The following STX5 variants were observed in gnomAD, a reference collection of about 807,000 sequenced individuals.
STX5 encodes the protein syntaxin-5.
STX5 carries 15 observed loss-of-function variants against 42.9 expected under a neutral mutation model. That is an observed-to-expected ratio of 0.35 (90% CI 0.23 to 0.54). The LOEUF (loss-of-function observed/expected upper bound fraction) is 0.54. Ranked by LOEUF, STX5 falls within the 20% of genes least tolerant of loss-of-function variation. The pLI is 0.91. For synonymous variants in STX5, 184 were observed against 173.2 expected, an observed-to-expected ratio of 1.06 and a Z score of -0.49; for missense variants, 430 against 455.0, an observed-to-expected ratio of 0.95 and a Z score of 0.50.
At chr11:62,819,017 AG>A (rs2084707616) in intron 10 of STX5, among the ~76,000 whole-genome samples, 1 of 151,628 alleles carries the variant, frequency 6.6e-6, no homozygotes, top group Non-Finnish European at 1.5e-5. Context: ...CAGGAGATCG[AG>A]ACCATCCTGG....
Position 62,806,864 on chromosome 11 carries a change from G to A in STX5, c.*605C>T, listed in dbSNP as rs2134794213. The A allele has an allele frequency of 6.5e-6, 1 of 152,954 alleles. No individual in the cohort carries two copies. The highest frequency in any genetic ancestry group is 1.9e-4 in the East Asian group (1 of 5,184). The allele number at this position is 152,954 out of a possible 1,614,324, so 9.5% of individuals were successfully genotyped here. A position where few individuals can be genotyped will look rare whatever the true frequency, so the allele number is the denominator to read the frequency against. Reference sequence around the variant, plus strand: ...TCTCCACTCGCTGCCTAGGCCCTTCGACGCTCCCACCCAGAAATGATGACA... The same window carrying A: ...TCTCCACTCGCTGCCTAGGCCCTTCAACGCTCCCACCCAGAAATGATGACA... On this transcript the variant is annotated 3_prime_UTR_variant, in exon 11 of 11. Coordinates refer to ENST00000294179, the MANE Select transcript of STX5 (RefSeq NM_003164.5).
intron 2 of STX5, among the ~76,000 whole-genome samples, chr11:62,830,077 A>C: frequency 6.7e-6 from 1 of 149,862 alleles, no homozygotes; most frequent in Non-Finnish European, 1.5e-5. Context: ...AAAAAAAAAA[A>C]AAAAAAAAAG....
chr11:62,810,885 A>G (rs1044265364), intron 10 of STX5, among the ~76,000 whole-genome samples: 1 of 152,220 alleles, frequency 6.6e-6, no homozygotes, highest in African/African-American at 2.4e-5. Flanking sequence ...ATGCTCCAAC[A>G]TACTGTAAAA....
intron 10 of STX5, 131 bp from the exon 11 acceptor site, chr11:62,807,759 A>C: frequency 6.9e-7 from 1 of 1,445,758 alleles, no homozygotes; most frequent in Non-Finnish European, 9.2e-7. Context: ...GTGTATAGAA[A>C]AGGCTTTGGA....
intron 7 of STX5, 70 bp downstream of exon 7, chr11:62,825,213 G>C (rs1290612848): frequency 1.2e-6 from 2 of 1,611,408 alleles, no homozygotes; most frequent in Non-Finnish European, 1.7e-6. Context: ...TGTAGAACTT[G>C]TCCCTTCTTC....
chr11:62,824,067 T>C, intron 10 of STX5, 99 bp downstream of exon 10: 1 of 1,569,760 alleles, frequency 6.4e-7, no homozygotes, highest in South Asian at 1.2e-5. Context: ...GAATTCACTC[T>C]ATCTTCCAAA....
Position 62,831,979 on chromosome 11 carries a change from G to A in STX5, c.-45C>T, listed in dbSNP as rs2084876390. 6.5e-6 allele frequency: 3 copies of A among 462,726 alleles called. No homozygotes were observed. Among genetic ancestry groups the A allele is most frequent in the South Asian group, 4.6e-5 (3 of 64,612 alleles). 28.7% of individuals were successfully genotyped at this position (462,726 alleles called of 1,614,324 possible). On this transcript the variant is annotated 5_prime_UTR_variant, in exon 1 of 11. Coordinates refer to ENST00000294179, the MANE Select transcript of STX5 (RefSeq NM_003164.5). ...CTCCCCTCTGCCGCCTGCCGCCGCCGCCACTTCCAATCTCACCGGCCGTCA... is the reference window on the plus strand; with the variant it reads ...CTCCCCTCTGCCGCCTGCCGCCGCCACCACTTCCAATCTCACCGGCCGTCA...
chr11:62,825,504 G>T lies in STX5; in HGVS notation c.459C>A (p.Leu153=), dbSNP rs771758061. ...INSLNKQIAQ[L]QDFVRAKGSQ... ...TGCCCTTGGCTCTCACGAAATCCTGGAGCTGAGCAATTTGTTTGTTGAGGC... is the reference window on the plus strand; with the variant it reads ...TGCCCTTGGCTCTCACGAAATCCTGTAGCTGAGCAATTTGTTTGTTGAGGC... The change falls in exon 6 of 11, where the codon CTC becomes CTA. Residue 153 remains leucine, a synonymous_variant. Transcript: ENST00000294179. 1.3e-5 allele frequency: 21 copies of T among 1,613,892 alleles called. No individual in the cohort carries two copies. Among genetic ancestry groups the T allele is most frequent in the Non-Finnish European group, 1.8e-5 (21 of 1,180,046 alleles).
chr11:62,808,433 G>GAAA (rs57347651), intron 10 of STX5, among the ~76,000 whole-genome samples: 1 of 121,440 alleles, frequency 8.2e-6, no homozygotes, highest in African/African-American at 2.9e-5. Context: ...GCCTCAGGGG[G>GAAA]AAAAAAAAAA....
intron 10 of STX5, among the ~76,000 whole-genome samples, chr11:62,811,503 C>G (rs1020730725): frequency 3.3e-5 from 5 of 152,164 alleles, no homozygotes; most frequent in Non-Finnish European, 5.9e-5. Context: ...CTACCAAGTT[C>G]TTTCTCATTT....
At position 62,831,971 on chromosome 11, in the gene STX5, C is replaced by T. The variant is rs1277750818; in HGVS notation, c.-37G>A. On this transcript the variant is annotated 5_prime_UTR_variant, in exon 1 of 11. Transcript: ENST00000294179. ...AATCTTACCTCCCCTCTGCCGCCTG[C>T]CGCCGCCGCCACTTCCAATCTCACC... is the stretch of plus-strand genomic sequence containing the variant. The T allele has an allele frequency of 2.8e-5, 13 of 462,306 alleles. No individual in the cohort carries two copies. Among genetic ancestry groups the T allele is most frequent in the Non-Finnish European group, 5.6e-5 (13 of 231,440 alleles). The allele number at this position is 462,306 out of a possible 1,614,324, so 28.6% of individuals were successfully genotyped here. A position where few individuals can be genotyped will look rare whatever the true frequency, so the allele number is the denominator to read the frequency against.
chr11:62,828,697 G>A (rs1054420050), intron 2 of STX5, among the ~76,000 whole-genome samples: 4 of 152,040 alleles, frequency 2.6e-5, no homozygotes, highest in Non-Finnish European at 5.9e-5. Context: ...CTGCACTCCA[G>A]CCTGGGTGAC....
chr11:62,820,520 CTTTTT>C (rs374794905), intron 10 of STX5, among the ~76,000 whole-genome samples: 1 of 140,684 alleles, frequency 7.1e-6, no homozygotes, highest in African/African-American at 2.6e-5. Context: ...TTTTCTTTTT[CTTTTT>C]TTTTTTTTTG....
chr11:62,818,018 CG>C (rs1254252553), intron 10 of STX5, among the ~76,000 whole-genome samples: 1 of 151,724 alleles, frequency 6.6e-6, no homozygotes, highest in Non-Finnish European at 1.5e-5. Context: ...ACGTGGTGGG[CG>C]GATCACCTGA....
intron 1 of STX5, among the ~76,000 whole-genome samples, chr11:62,831,637 T>G (rs1051605891): frequency 6.6e-6 from 1 of 152,208 alleles, no homozygotes; most frequent in Non-Finnish European, 1.5e-5. Context: ...GGAGGGCCAG[T>G]GACGGACCTC....
chr11:62,831,250 G>A lies in STX5; in HGVS notation c.-7C>T, dbSNP rs549489537. 21 of 1,555,384 alleles carry A rather than the reference G, an allele frequency of 1.4e-5. No homozygotes were observed. The highest frequency in any genetic ancestry group is 1.2e-4 in the East Asian group (5 of 42,242). On this transcript the variant is annotated 5_prime_UTR_variant, in exon 2 of 11. Coordinates refer to ENST00000294179, the MANE Select transcript of STX5 (RefSeq NM_003164.5). ...AGCGTTTCCGCGGGATCATTGAGAC[G>A]CATAACCTCGGACTGTTGTGGAGGG...
At chr11:62,807,732 C>A in intron 10 of STX5, 104 bp from the exon 11 acceptor site, 1 of 1,519,696 alleles carries the variant, frequency 6.6e-7, no homozygotes, top group African/African-American at 1.4e-5. Context: ...AATATGATCC[C>A]ATTCTTATAT....
At chr11:62,807,936 A>G (rs769346705) in intron 10 of STX5, 14 of 356,596 alleles carry the variant, frequency 3.9e-5, no homozygotes, top group African/African-American at 2.5e-4. Context: ...ATGAGTTAGT[A>G]TAAAGTCCCT....
chr11:62,828,866 A>G (rs1312802250), intron 2 of STX5, among the ~76,000 whole-genome samples: 1 of 152,160 alleles, frequency 6.6e-6, no homozygotes, highest in African/African-American at 2.4e-5. Flanking sequence ...AGAGACAGAG[A>G]CCATCCTGGC....
Sources: gnomAD v4.1 joint callset for allele counts (sites outside exome capture counted in the v4.1 genomes callset) on GRCh38, gnomAD v4.1.1 for gene constraint, MANE v1.5 for transcripts, NCBI Gene and HGNC (gene_info 2026-07-23, HGNC 2026-07-21) for gene names.